Variants in RPTOR observed in about 807,000 individuals in gnomAD.
The protein encoded by RPTOR is regulatory associated protein of MTOR complex 1, also known as regulatory-associated protein of mTOR.
Under a neutral mutation model 169.9 loss-of-function variants are expected in RPTOR, and 21 were observed. The ratio of observed to expected loss-of-function variants is 0.12; its 90% CI spans 0.09 to 0.18. The LOEUF (loss-of-function observed/expected upper bound fraction) is 0.18, where lower values mean the gene tolerates loss of function less well. RPTOR is among the 10% of genes least tolerant of loss of function. The pLI, the probability that RPTOR is intolerant of heterozygous loss-of-function variation, is 1.00. For missense variants in RPTOR, 1,133 were observed against 1,855.9 expected, an observed-to-expected ratio of 0.61 and a Z score of 7.16; for synonymous variants, 732 against 753.2, an observed-to-expected ratio of 0.97 and a Z score of 0.46.
At chr17:80,692,162 AG>A (rs1382887334) in intron 3 of RPTOR, among the ~76,000 whole-genome samples, 3 of 152,070 alleles carry the variant, frequency 2.0e-5, no homozygotes, top group Admixed American at 6.5e-5. Flanking sequence ...CCCAGGCTGG[AG>A]TACAGTAGCA....
At position 80,803,191 on chromosome 17, in the gene RPTOR, A is replaced by G. The variant is rs1416732833; in HGVS notation, c.890+11682A>G. 6.6e-6 allele frequency: 1 copy of G among 152,294 alleles called. No homozygotes were observed. The highest frequency in any genetic ancestry group is 1.5e-5 in the Non-Finnish European group (1 of 68,090). The allele number at this position is 152,294 out of a possible 1,614,324, so 9.4% of individuals were successfully genotyped here. The stretch of plus-strand genomic sequence containing the variant: ...AAGCAGTGTGGCGTGAGGCGCCAGC[A>G]TAACCGGGGACCCCGGGTGTGTGGT... On this transcript the variant is annotated intron_variant, in intron 7 of 33. Coordinates refer to ENST00000306801, the MANE Select transcript of RPTOR (RefSeq NM_020761.3). This position sits in a 1 kb window ranked among gnomAD's most constrained non-coding sequence, Gnocchi z 6.2.
intron 3 of RPTOR, among the ~76,000 whole-genome samples, chr17:80,672,541 A>G (rs926084294): frequency 1.3e-5 from 2 of 152,186 alleles, no homozygotes; most frequent in African/African-American, 4.8e-5. Context: ...TAGTAATGCC[A>G]GCACTTTGGG....
chr17:80,626,319 G>A (rs2065393876), intron 2 of RPTOR, among the ~76,000 whole-genome samples: 1 of 150,224 alleles, frequency 6.7e-6, no homozygotes, highest in Non-Finnish European at 1.5e-5. Context: ...CCAAAGTACT[G>A]GGATTACAGG....
At chr17:80,920,427 T>A (rs1003747609) in intron 21 of RPTOR, among the ~76,000 whole-genome samples, 1 of 152,078 alleles carries the variant, frequency 6.6e-6, no homozygotes, top group Non-Finnish European at 1.5e-5. Flanking sequence ...GGTGGAAAAT[T>A]AGTTTTGTGA....
intron 1 of RPTOR, among the ~76,000 whole-genome samples, chr17:80,615,807 G>A (rs562964393): frequency 1.7e-4 from 26 of 151,940 alleles, no homozygotes; most frequent in African/African-American, 5.3e-4. Flanking sequence ...AATGTTAGAC[G>A]TCATCTTCCT....
intron 11 of RPTOR, among the ~76,000 whole-genome samples, chr17:80,851,909 G>GA (rs889232431): frequency 6.6e-6 from 1 of 151,968 alleles, no homozygotes. Flanking sequence ...TACAGTGTTG[G>GA]AAAAAAACAA....
chr17:80,596,239 A>T (rs536537834), intron 1 of RPTOR, among the ~76,000 whole-genome samples: 10 of 152,348 alleles, frequency 6.6e-5, no homozygotes, highest in African/African-American at 2.4e-4. Context: ...TGGAACCAAT[A>T]AGTAAAGAAA....
At chr17:80,753,924 C>A in intron 5 of RPTOR, 86 bp from the exon 6 acceptor site, 1 of 1,224,604 alleles carries the variant, frequency 8.2e-7, no homozygotes, top group Non-Finnish European at 1.2e-6. Context: ...TTTATTCTTT[C>A]CTTCTGTGTT....
intron 24 of RPTOR, among the ~76,000 whole-genome samples, chr17:80,930,031 C>A (rs1026953186): frequency 1.1e-4 from 16 of 151,654 alleles, no homozygotes; most frequent in Non-Finnish European, 2.4e-4. Flanking sequence ...CCTGGCTCAT[C>A]CCCAGCTCAT....
rs1464661617 is a variant in RPTOR at position 80,878,410 on chromosome 17, G to A, written c.1510-2005G>A. ...CGCCCAGGCTGGAATGCAGTGGTGC[G>A]ATCTCAGCTCACTACAGCCTCCGCC... On this transcript the variant is annotated intron_variant, in intron 13 of 33. Transcript: ENST00000306801. The surrounding 1 kb of genome is among the most constrained non-coding windows in gnomAD (Gnocchi z 4.1). Among the ~76,000 whole-genome samples, 6 of 151,736 alleles carry A rather than the reference G, an allele frequency of 4.0e-5. No individual in the cohort carries two copies. Among genetic ancestry groups the A allele is most frequent in the African/African-American group, 7.3e-5 (3 of 41,252 alleles).
At chr17:80,702,846 C>T (rs1263219377) in intron 3 of RPTOR, among the ~76,000 whole-genome samples, 1 of 152,192 alleles carries the variant, frequency 6.6e-6, no homozygotes, top group Non-Finnish European at 1.5e-5. Context: ...TCTCAGGAGA[C>T]AGCGAATGAT....
At chr17:80,623,876 T>C (rs1183509383) in intron 1 of RPTOR, among the ~76,000 whole-genome samples, 1 of 152,120 alleles carries the variant, frequency 6.6e-6, no homozygotes, top group African/African-American at 2.4e-5. Context: ...TTATTTTCTT[T>C]AGGTATTTAA....
At chr17:80,735,941 G>A (rs542020044) in intron 5 of RPTOR, among the ~76,000 whole-genome samples, 7 of 152,294 alleles carry the variant, frequency 4.6e-5, no homozygotes, top group East Asian at 1.9e-4. Context: ...GAAGGCCAAG[G>A]TGGGCAGATG....
chr17:80,760,489 A>G (rs1338697125), intron 6 of RPTOR, among the ~76,000 whole-genome samples: 1 of 151,572 alleles, frequency 6.6e-6, no homozygotes, highest in Non-Finnish European at 1.5e-5. Context: ...TTTAGTAGAG[A>G]TGAGATTTTA....
At chr17:80,654,941 A>G (rs1022181353) in intron 3 of RPTOR, among the ~76,000 whole-genome samples, 11 of 152,260 alleles carry the variant, frequency 7.2e-5, no homozygotes, top group African/African-American at 2.7e-4. Context: ...GTAAAGAAAA[A>G]TAAATGGATA....
intron 1 of RPTOR, among the ~76,000 whole-genome samples, chr17:80,579,666 A>G (rs1330132885): frequency 6.6e-6 from 1 of 152,226 alleles, no homozygotes; most frequent in Non-Finnish European, 1.5e-5. Context: ...GCCTTGCCCA[A>G]GGACTATTCT....
intron 5 of RPTOR, among the ~76,000 whole-genome samples, chr17:80,742,562 A>T (rs1019890000): frequency 6.9e-6 from 1 of 144,118 alleles, no homozygotes; most frequent in Non-Finnish European, 1.5e-5. Context: ...ATTTACATAC[A>T]TGTATGCACA....
At chr17:80,919,814 G>A (rs923037883) in intron 21 of RPTOR, among the ~76,000 whole-genome samples, 6 of 152,228 alleles carry the variant, frequency 3.9e-5, no homozygotes, top group Non-Finnish European at 5.9e-5. Context: ...CTTGTAGCCG[G>A]GACCTTGACC....
rs757285630 is a variant in RPTOR at position 80,961,411 on chromosome 17, G to T, written c.3623G>T (p.Arg1208Leu). The T allele has an allele frequency of 6.5e-7, 1 of 1,550,122 alleles. No homozygotes were observed. Among genetic ancestry groups the T allele is most frequent in the East Asian group, 2.4e-5 (1 of 41,000 alleles). Residue 1208 changes from arginine (R) to leucine (L), a missense_variant, in exon 31 of 34, where the codon CGG becomes CTG. Transcript: ENST00000306801. ...CCCTACAGCCGCGTCATGACGTACC[G>T]GGAGCACACAGCCTGGGTGGTGAAG... The part of the protein sequence containing the change: ...ALSECRVMTY[R>L]EHTAWVVKAS...
Sources: gnomAD v4.1 joint callset for allele counts (sites outside exome capture counted in the v4.1 genomes callset) on GRCh38, gnomAD v4.1.1 for gene constraint, Gnocchi (gnomAD v3.1) non-coding constraint, MANE v1.5 for transcripts, NCBI Gene and HGNC (gene_info 2026-07-23, HGNC 2026-07-21) for gene names.